Variants in OR2L13 observed in about 807,000 individuals in gnomAD.
The protein encoded by OR2L13 is olfactory receptor 2L13.
OR2L13 carries 14 observed loss-of-function variants against 15.3 expected under a neutral mutation model. That is an observed-to-expected ratio of 0.91 (90% CI 0.60 to 1.43). The LOEUF (loss-of-function observed/expected upper bound fraction) is 1.43. Among genes scored for constraint, OR2L13 ranks in the 40% most tolerant of loss-of-function variants. The pLI, the probability that OR2L13 is intolerant of heterozygous loss-of-function variation, is 0.00. For synonymous variants in OR2L13, 152 were observed against 142.9 expected (o/e 1.06, Z -0.45); for missense variants, 367 against 387.9 (o/e 0.95, Z 0.45).
upstream of OR2L13, among the ~76,000 whole-genome samples, chr1:248,095,811 T>G (rs1664725161): frequency 6.6e-6 from 1 of 150,684 alleles, no homozygotes; most frequent in Non-Finnish European, 1.5e-5. Flanking sequence ...GTCACCATAT[T>G]GGTCAGGCTG....
chr1:248,087,517 T>A, the OR2L13 span: 1 of 152,186 alleles, frequency 6.6e-6, no homozygotes, highest in Non-Finnish European at 1.5e-5. Context: ...TCACAGCCAG[T>A]GTGACATATA....
chr1:248,084,542 T>C, the OR2L13 span: 4 of 1,613,064 alleles, frequency 2.5e-6, no homozygotes, highest in South Asian at 4.4e-5. Context: ...TGGGCTCTGG[T>C]GTGGTTAAAG....
chr1:247,953,903 C>G, the OR2L13 span, among the ~76,000 whole-genome samples: 1,279 of 150,508 alleles, frequency 8.5e-3, 15 homozygotes, highest in African/African-American at 0.029. Context: ...AGGGACTCCC[C>G]TGGAATTTAT....
chr1:247,949,371 G>C, the OR2L13 span: 2 of 1,614,118 alleles, frequency 1.2e-6, no homozygotes, highest in Admixed American at 3.3e-5. Context: ...CCGATCCAGG[G>C]CCATCAATCA....
chr1:248,100,270 G>T (rs750542220), exon 3 of OR2L13: 2 of 1,612,272 alleles, frequency 1.2e-6, no homozygotes, highest in East Asian at 2.2e-5. Context: ...AGTCCTGGGG[G>T]CTATGAGGAG....
At chr1:247,949,614 C>G in the OR2L13 span, 38 of 1,613,882 alleles carry the variant, frequency 2.4e-5, no homozygotes, top group Non-Finnish European at 3.2e-5. Context: ...CTACTATGCA[C>G]CTTTTGTCTA....
At chr1:247,975,491 C>T in the OR2L13 span, 7 of 896,074 alleles carry the variant, frequency 7.8e-6, no homozygotes. Context: ...TTTGCTTATA[C>T]CTATCTATAT....
At chr1:247,958,233 T>G in the OR2L13 span, among the ~76,000 whole-genome samples, 2 of 152,222 alleles carry the variant, frequency 1.3e-5, no homozygotes, top group Non-Finnish European at 2.9e-5. Flanking sequence ...ATGTTCAGTT[T>G]CCATGTAGTT....
the OR2L13 span, among the ~76,000 whole-genome samples, chr1:247,962,590 C>T: frequency 2.0e-5 from 3 of 152,274 alleles, no homozygotes; most frequent in African/African-American, 7.2e-5. Flanking sequence ...GTTTTACCAG[C>T]GTAAACTTTT....
chr1:248,071,711 T>C, the OR2L13 span, among the ~76,000 whole-genome samples: 1 of 150,608 alleles, frequency 6.6e-6, no homozygotes, highest in Non-Finnish European at 1.5e-5. Flanking sequence ...ACGAGATGAT[T>C]GTATATCTAG....
chr1:248,033,036 C>T, the OR2L13 span, among the ~76,000 whole-genome samples: 1 of 152,116 alleles, frequency 6.6e-6, no homozygotes, highest in Admixed American at 6.5e-5. Context: ...GTTTGACTTA[C>T]AATATTTTAA....
chr1:248,011,066 G>A, the OR2L13 span, among the ~76,000 whole-genome samples: 20 of 152,072 alleles, frequency 1.3e-4, no homozygotes, highest in African/African-American at 3.9e-4. Flanking sequence ...TTACAATTTG[G>A]TATGTTTTTG....
the OR2L13 span, among the ~76,000 whole-genome samples, chr1:248,025,690 G>C: frequency 3.4e-5 from 5 of 148,832 alleles, no homozygotes; most frequent in South Asian, 2.1e-4. Flanking sequence ...CAAAGACTTG[G>C]AACCAACCCA....
the OR2L13 span, among the ~76,000 whole-genome samples, chr1:248,016,529 T>C: frequency 1.3e-5 from 2 of 152,146 alleles, no homozygotes; most frequent in Admixed American, 6.6e-5. Flanking sequence ...ATTCGTGATA[T>C]AAAAATCTTA....
the OR2L13 span, among the ~76,000 whole-genome samples, chr1:248,037,126 A>G: frequency 6.6e-6 from 1 of 152,306 alleles, no homozygotes; most frequent in East Asian, 1.9e-4. Flanking sequence ...TGGACATTCA[A>G]AATCAAGACT....
chr1:248,069,863 C>G, the OR2L13 span, among the ~76,000 whole-genome samples: 934 of 152,072 alleles, frequency 6.1e-3, 16 homozygotes, highest in African/African-American at 0.022. Context: ...CAACAAAGAT[C>G]AAAAGAGACA....
At chr1:248,081,545 T>A in the OR2L13 span, among the ~76,000 whole-genome samples, 1 of 152,322 alleles carries the variant, frequency 6.6e-6, no homozygotes, top group South Asian at 2.1e-4. Context: ...GAACCTGGTA[T>A]GAGTAATGAA....
At chr1:248,037,655 T>C in the OR2L13 span, among the ~76,000 whole-genome samples, 2 of 152,218 alleles carry the variant, frequency 1.3e-5, no homozygotes, top group East Asian at 3.8e-4. Flanking sequence ...TGTTGTAAAG[T>C]TCTATAAATA....
the OR2L13 span, among the ~76,000 whole-genome samples, chr1:248,071,141 C>A: frequency 6.6e-6 from 1 of 152,188 alleles, no homozygotes; most frequent in African/African-American, 2.4e-5. Context: ...CCAACATCAT[C>A]CTGATACCAA....
Sources: allele counts gnomAD v4.1 joint callset (sites outside exome capture counted in the v4.1 genomes callset), GRCh38; gene constraint gnomAD v4.1.1; transcripts MANE v1.5; gene names NCBI Gene and HGNC (gene_info 2026-07-23, HGNC 2026-07-21).